GPR39: variants seen among roughly 807,000 people sequenced by gnomAD.
GPR39 encodes the protein G protein-coupled receptor 39, also known as zinc sensing receptor.
A neutral mutation model predicts 18.4 loss-of-function variants in GPR39; 23 were observed. That is an observed-to-expected ratio of 1.25 (90% CI 0.90 to 1.77). The LOEUF (loss-of-function observed/expected upper bound fraction) is 1.77, where lower values mean the gene tolerates loss of function less well. Among genes scored for constraint, GPR39 ranks in the 40% most tolerant of loss-of-function variants. GPR39 has a pLI of 0.00. For missense variants in GPR39, 647 were observed against 602.4 expected (o/e 1.07, Z -0.78); for synonymous variants, 280 against 257.9 (o/e 1.09, Z -0.82).
intron 1 of GPR39, among the ~76,000 whole-genome samples, chr2:132,516,571 G>C (rs1679338487): frequency 6.6e-6 from 1 of 152,200 alleles, no homozygotes; most frequent in Admixed American, 6.5e-5. Context: ...CCTGAGGCCT[G>C]TTAGTTCAGA....
chr2:132,635,272 C>T (rs540679655), intron 1 of GPR39, among the ~76,000 whole-genome samples: 1 of 152,342 alleles, frequency 6.6e-6, no homozygotes, highest in East Asian at 1.9e-4. Context: ...TATTGAGCAG[C>T]TACTATATAA....
chr2:132,524,220 G>T (rs933929546), intron 1 of GPR39, among the ~76,000 whole-genome samples: 11 of 152,224 alleles, frequency 7.2e-5, no homozygotes, highest in African/African-American at 2.4e-4. Context: ...AGGGAACGAA[G>T]AGGGTCTTGA....
chr2:132,581,336 CT>C (rs34169955), intron 1 of GPR39, among the ~76,000 whole-genome samples: 58,816 of 143,420 alleles, frequency 0.41, 12,889 homozygotes, highest in East Asian at 0.76. Flanking sequence ...ACGATAGTGA[CT>C]TTTTTTTTTT....
At chr2:132,564,291 TG>T (rs1680308450) in intron 1 of GPR39, among the ~76,000 whole-genome samples, 1 of 152,210 alleles carries the variant, frequency 6.6e-6, no homozygotes, top group South Asian at 2.1e-4. Context: ...CCCTGATTCC[TG>T]GCTGCCTTTG....
Position 132,417,440 on chromosome 2 carries a change from G to T in GPR39, c.398G>T (p.Arg133Leu), listed in dbSNP as rs780312522. The change falls in exon 1 of 2, where the codon CGC (arginine) becomes CTC (leucine). Residue 133 changes from arginine (R) to leucine (L), a missense_variant. By Grantham distance (102) the Arg-to-Leu change is moderately radical. This residue lies in a region of GPR39 where 581 missense variants were observed against 506.8 expected (regional missense o/e 1.15). Coordinates refer to ENST00000329321, the MANE Select transcript of GPR39 (RefSeq NM_001508.3). Reference protein sequence around the residue: ...LLHVLTLSFERYIAICHPFRY... With the variant: ...LLHVLTLSFELYIAICHPFRY... The stretch of plus-strand genomic sequence containing the variant: ...CACGTGCTGACACTCAGCTTTGAGC[G>T]CTACATCGCCATCTGTCACCCCTTC... 2 of 1,614,156 alleles carry T rather than the reference G, an allele frequency of 1.2e-6. No individual in the cohort carries two copies. The highest frequency in any genetic ancestry group is 1.7e-6 in the Non-Finnish European group (2 of 1,180,020).
intron 1 of GPR39, among the ~76,000 whole-genome samples, chr2:132,466,771 G>GT (rs202021191): frequency 1.7e-3 from 256 of 152,044 alleles, no homozygotes; most frequent in African/African-American, 4.6e-3. Context: ...TTTCAGGGCT[G>GT]TTTTTTTTAT....
intron 1 of GPR39, among the ~76,000 whole-genome samples, chr2:132,486,404 T>G (rs1274430568): frequency 6.6e-6 from 1 of 152,258 alleles, no homozygotes; most frequent in African/African-American, 2.4e-5. Context: ...TGGCATTGAC[T>G]TCTCCTCTTT....
intron 1 of GPR39, among the ~76,000 whole-genome samples, chr2:132,621,125 T>C (rs1253805785): frequency 6.6e-6 from 1 of 152,050 alleles, no homozygotes; most frequent in Non-Finnish European, 1.5e-5. Context: ...GGTGCTTGAG[T>C]AGTTTCCCTT....
intron 1 of GPR39, among the ~76,000 whole-genome samples, chr2:132,587,390 A>T (rs1375935111): frequency 6.6e-6 from 1 of 152,230 alleles, no homozygotes; most frequent in Non-Finnish European, 1.5e-5. Context: ...TTAAAGAACA[A>T]CTGCCTCTTG....
chr2:132,480,575 G>A (rs1487307388), intron 1 of GPR39, among the ~76,000 whole-genome samples: 1 of 152,114 alleles, frequency 6.6e-6, no homozygotes, highest in African/African-American at 2.4e-5. Context: ...GAAGGAAGAG[G>A]AGTTCTCAAG....
At chr2:132,530,769 G>A (rs975120805) in intron 1 of GPR39, among the ~76,000 whole-genome samples, 7 of 152,250 alleles carry the variant, frequency 4.6e-5, no homozygotes, top group African/African-American at 1.7e-4. Flanking sequence ...CATAAGTGAA[G>A]GAGAAATAAA....
At chr2:132,424,425 A>G (rs1439940357) in intron 1 of GPR39, among the ~76,000 whole-genome samples, 2 of 152,206 alleles carry the variant, frequency 1.3e-5, no homozygotes, top group East Asian at 3.9e-4. Context: ...ACCCCAGGGT[A>G]GGAATAAGCA....
At chr2:132,427,876 CAT>C (rs3035847) in intron 1 of GPR39, among the ~76,000 whole-genome samples, 2 of 142,726 alleles carry the variant, frequency 1.4e-5, no homozygotes. Context: ...AGCTGTACTT[CAT>C]ATATATATAT....
chr2:132,417,397 A>G lies in GPR39; in HGVS notation c.355A>G (p.Ser119Gly). The G allele has an allele frequency of 6.2e-7, 1 of 1,614,152 alleles. No homozygotes were observed. Among genetic ancestry groups the G allele is most frequent in the Non-Finnish European group, 8.5e-7 (1 of 1,180,028 alleles). The change falls in exon 1 of 2, where the codon AGC becomes GGC. Residue 119 changes from serine (S) to glycine (G), a missense_variant. Transcript: ENST00000329321. ...KLHTFLFEAC[S>G]YATLLHVLTL... is the part of the protein sequence containing the mutation. Reference sequence around the variant, plus strand: ...GCACACTTTCCTCTTCGAGGCCTGCAGCTACGCTACGCTGCTGCACGTGCT... The same window carrying G: ...GCACACTTTCCTCTTCGAGGCCTGCGGCTACGCTACGCTGCTGCACGTGCT...
chr2:132,427,131 C>CATATATAT (rs199931479), intron 1 of GPR39, among the ~76,000 whole-genome samples: 1,456 of 80,346 alleles, frequency 0.018, 24 homozygotes, highest in African/African-American at 0.028. Context: ...TATATAGGTA[C>CATATATAT]ATATATATAT....
At position 132,423,392 on chromosome 2, in the gene GPR39, C is replaced by T. The variant is rs564933446; in HGVS notation, c.856+5494C>T. Among the ~76,000 whole-genome samples the T allele has an allele frequency of 2.6e-5, 4 of 152,288 alleles. No homozygotes were observed. In the East Asian group the frequency reaches 7.7e-4, roughly 29 times the overall value. On this transcript the variant is annotated intron_variant, in intron 1 of 1. Transcript: ENST00000329321. ...ACTTTATTTTACCCGAATTACCTCC[C>T]AAAGGCCCAATCTCCAAATACAATC...
chr2:132,428,934 G>A (rs1309933143), intron 1 of GPR39, among the ~76,000 whole-genome samples: 1 of 152,170 alleles, frequency 6.6e-6, no homozygotes, highest in Non-Finnish European at 1.5e-5. Context: ...AACATTGGGG[G>A]TCGGGGTTTC....
chr2:132,620,662 A>G lies in GPR39; in HGVS notation c.857-24439A>G, dbSNP rs1278506196. ...GTGTCTCTTGGGGCTAGGTTTGCCC[A>G]GACACTTCCCCTCGCCTCTCTGTTT... On this transcript the variant is annotated intron_variant, in intron 1 of 1. Coordinates refer to ENST00000329321, the MANE Select transcript of GPR39 (RefSeq NM_001508.3). 2.0e-5 allele frequency among the ~76,000 whole-genome samples: 3 copies of G among 152,176 alleles called. No homozygotes were observed. In the East Asian group the frequency reaches 5.8e-4, roughly 29 times the overall value.
intron 1 of GPR39, among the ~76,000 whole-genome samples, chr2:132,447,776 TAA>T (rs1471706494): frequency 1.3e-5 from 2 of 152,242 alleles, no homozygotes; most frequent in Non-Finnish European, 2.9e-5. Flanking sequence ...ATATCAGAGT[TAA>T]AGTGTATGGC....
Sources: gnomAD v4.1 joint callset for allele counts (sites outside exome capture counted in the v4.1 genomes callset) on GRCh38, gnomAD v4.1.1 for gene constraint, gnomAD v4.1.1 regional missense constraint, MANE v1.5 for transcripts, NCBI Gene and HGNC (gene_info 2026-07-23, HGNC 2026-07-21) for gene names.